Variants in ZFAND3 observed in about 807,000 individuals in gnomAD.
ZFAND3 encodes the protein zinc finger AN1-type containing 3.
In ZFAND3, 10 loss-of-function variants were observed where a neutral mutation model predicts 29.6. That is an observed-to-expected ratio of 0.34 (90% confidence interval 0.21 to 0.57). The LOEUF (loss-of-function observed/expected upper bound fraction) is 0.57. ZFAND3 is among the 20% of genes least tolerant of loss of function. The pLI is 0.86. For synonymous variants in ZFAND3, 128 were observed against 112.6 expected (o/e 1.14, Z -0.87); for missense variants, 230 against 304.5 (o/e 0.76, Z 1.82).
chr6:37,820,905 T>C (rs925861338), intron 1 of ZFAND3, among the ~76,000 whole-genome samples: 4 of 152,244 alleles, frequency 2.6e-5, no homozygotes, highest in Non-Finnish European at 5.9e-5. Context: ...TTAAGCTTCA[T>C]GGATTGCCAC....
At position 37,971,954 on chromosome 6, in the gene ZFAND3, G is replaced by A. The variant is rs544226242; in HGVS notation, c.112+41955G>A. Among the ~76,000 whole-genome samples, 44 of 151,590 alleles carry A rather than the reference G, an allele frequency of 2.9e-4. 1 individual carries two copies. The highest frequency in any genetic ancestry group is 9.9e-4 in the African/African-American group (41 of 41,296). On this transcript the variant is annotated intron_variant, in intron 2 of 5. Transcript: ENST00000287218. ...CTTGCCACTGCACTCCAGCCTGGGC[G>A]ATAGAACAAGGCCCTGTCTCAAAAA...
At chr6:37,909,815 T>C (rs1344861798) in intron 1 of ZFAND3, among the ~76,000 whole-genome samples, 1 of 152,036 alleles carries the variant, frequency 6.6e-6, no homozygotes, top group Non-Finnish European at 1.5e-5. Context: ...GTCAATAATA[T>C]CAGTAATTAA....
At chr6:37,873,075 G>A (rs546792678) in intron 1 of ZFAND3, among the ~76,000 whole-genome samples, 37 of 152,192 alleles carry the variant, frequency 2.4e-4, no homozygotes, top group African/African-American at 8.4e-4. Flanking sequence ...TGGCTAACAC[G>A]GTGAAACACC....
At chr6:38,041,625 CT>C (rs1561976568) in intron 2 of ZFAND3, among the ~76,000 whole-genome samples, 27 of 102,598 alleles carry the variant, frequency 2.6e-4, no homozygotes, top group Admixed American at 1.9e-3. Context: ...GTTTTTTTAT[CT>C]ACTTTTTCTT....
At chr6:37,848,229 A>G (rs770535620) in intron 1 of ZFAND3, among the ~76,000 whole-genome samples, 3 of 152,244 alleles carry the variant, frequency 2.0e-5, no homozygotes, top group Non-Finnish European at 2.9e-5. Flanking sequence ...TTGTTCTAAC[A>G]TGCTGAGTTT....
At chr6:37,886,113 C>T (rs1764984524) in intron 1 of ZFAND3, among the ~76,000 whole-genome samples, 1 of 151,758 alleles carries the variant, frequency 6.6e-6, no homozygotes, top group African/African-American at 2.4e-5. Flanking sequence ...AGGCAGGTGC[C>T]TGTAGTCCCA....
intron 2 of ZFAND3, among the ~76,000 whole-genome samples, chr6:38,053,113 G>A (rs1361824919): frequency 3.3e-5 from 5 of 151,860 alleles, no homozygotes; most frequent in Non-Finnish European, 7.4e-5. Context: ...AAAACCAAGA[G>A]CACTGGAGAT....
intron 2 of ZFAND3, among the ~76,000 whole-genome samples, chr6:38,053,066 T>C (rs1161976250): frequency 7.6e-6 from 1 of 131,202 alleles, no homozygotes; most frequent in Non-Finnish European, 1.6e-5. Context: ...AAAAAAAAAA[T>C]AGCACTTCGT....
In ZFAND3 at chr6:38,012,160, G is replaced by A. The variant is rs1409608282; in HGVS notation, c.113-49433G>A. Among the ~76,000 whole-genome samples the A allele has an allele frequency of 1.5e-4, 23 of 152,236 alleles. No individual in the cohort carries two copies. In the East Asian group the frequency reaches 2.3e-3, roughly 15 times the overall value. On this transcript the variant is annotated intron_variant, in intron 2 of 5. Coordinates refer to ENST00000287218, the MANE Select transcript of ZFAND3 (RefSeq NM_021943.3). Reference sequence around the variant, plus strand: ...TATGCTGTGTAATGTAAGCATCTCCGTTCCTAGTGGAGAAGTTGCGTCGTG... The same window carrying A: ...TATGCTGTGTAATGTAAGCATCTCCATTCCTAGTGGAGAAGTTGCGTCGTG...
At chr6:38,086,315 TTAGA>T (rs1198940632) in intron 4 of ZFAND3, among the ~76,000 whole-genome samples, 1 of 152,044 alleles carries the variant, frequency 6.6e-6, no homozygotes, top group Non-Finnish European at 1.5e-5. Context: ...CAGAGAGAAA[TTAGA>T]TAGATGAAGG....
intron 1 of ZFAND3, among the ~76,000 whole-genome samples, chr6:37,925,238 C>T (rs1421582426): frequency 6.6e-6 from 1 of 151,894 alleles, no homozygotes; most frequent in Admixed American, 6.6e-5. Context: ...AGAATGGGAA[C>T]GAGAAGACCA....
At chr6:38,144,726 G>A (rs1300279872) in intron 5 of ZFAND3, among the ~76,000 whole-genome samples, 1 of 152,228 alleles carries the variant, frequency 6.6e-6, no homozygotes, top group Non-Finnish European at 1.5e-5. Context: ...AGCAGCTGGA[G>A]CTGCAGCCCT....
At chr6:38,005,787 A>T (rs971552068) in intron 2 of ZFAND3, among the ~76,000 whole-genome samples, 4 of 152,204 alleles carry the variant, frequency 2.6e-5, no homozygotes, top group African/African-American at 9.6e-5. Context: ...ATGTTTTTAT[A>T]CTTCTTCACT....
chr6:38,113,423 A>G (rs1278756137), intron 4 of ZFAND3, among the ~76,000 whole-genome samples: 3 of 152,244 alleles, frequency 2.0e-5, no homozygotes, highest in Non-Finnish European at 4.4e-5. Context: ...ACTGCCTACC[A>G]GAACAAATAA....
intron 5 of ZFAND3, among the ~76,000 whole-genome samples, chr6:38,131,068 C>T (rs1562010862): frequency 6.6e-6 from 1 of 152,086 alleles, no homozygotes; most frequent in African/African-American, 2.4e-5. Flanking sequence ...TTATCCATCT[C>T]GTCTAGGTTT....
At chr6:37,843,721 A>G (rs1334680119) in intron 1 of ZFAND3, among the ~76,000 whole-genome samples, 1 of 152,144 alleles carries the variant, frequency 6.6e-6, no homozygotes, top group Non-Finnish European at 1.5e-5. Context: ...AATATACTCA[A>G]CAATCATTGG....
intron 1 of ZFAND3, among the ~76,000 whole-genome samples, chr6:37,841,144 T>A (rs1009147860): frequency 3.9e-5 from 6 of 152,206 alleles, no homozygotes; most frequent in Admixed American, 1.3e-4. Flanking sequence ...ACTTTAGTTA[T>A]GAAAGAGGGT....
intron 4 of ZFAND3, among the ~76,000 whole-genome samples, chr6:38,092,207 G>A (rs558579050): frequency 7.9e-5 from 12 of 152,286 alleles, no homozygotes; most frequent in African/African-American, 2.9e-4. Flanking sequence ...CCCTCAGAAG[G>A]AGTTGCTTAT....
chr6:37,927,429 C>A (rs1013889199), intron 1 of ZFAND3, among the ~76,000 whole-genome samples: 1 of 152,178 alleles, frequency 6.6e-6, no homozygotes, highest in Non-Finnish European at 1.5e-5. Flanking sequence ...GGAATTCTGG[C>A]CCCTTCAGAG....
Sources: gnomAD v4.1 joint callset for allele counts (sites outside exome capture counted in the v4.1 genomes callset) on GRCh38, gnomAD v4.1.1 for gene constraint, MANE v1.5 for transcripts, NCBI Gene and HGNC (gene_info 2026-07-23, HGNC 2026-07-21) for gene names.